The following SMG1 variants were observed in gnomAD, a reference collection of about 807,000 sequenced individuals.
The protein encoded by SMG1 is serine/threonine-protein kinase SMG1.
A neutral mutation model predicts 419.9 loss-of-function variants in SMG1; 22 were observed. The observed-to-expected ratio is 0.05, with a 90% CI of 0.04 to 0.07. The LOEUF is 0.07. Ranked by LOEUF, SMG1 falls within the 10% of genes least tolerant of loss-of-function variation. The pLI is 1.00. For synonymous variants in SMG1, 1,538 were observed against 1,553.5 expected, an observed-to-expected ratio of 0.99 and a Z score of 0.23; for missense variants, 3,185 against 4,342.0, an observed-to-expected ratio of 0.73 and a Z score of 7.49.
rs1244423074 is a variant in SMG1, at chr16:18,841,723, T to G, written c.6538A>C (p.Ile2180Leu). Residue 2180 changes from isoleucine to leucine, a missense_variant, in exon 41 of 63, where the codon ATT becomes CTT. This residue lies in a region of SMG1 where 35 missense variants were observed against 33.8 expected (regional missense o/e 1.04). Transcript: ENST00000446231. ...LSIVNTMFAT[I>L]NRQETPRFHA... ...AACCGGGGTGTTTCTTGGCGATTAATTGTAGCAAACATGGTATTCACAATA... is the reference window on the plus strand; with the variant it reads ...AACCGGGGTGTTTCTTGGCGATTAAGTGTAGCAAACATGGTATTCACAATA... 1 of 1,614,018 alleles carries G rather than the reference T, an allele frequency of 6.2e-7. No individual in the cohort carries two copies.
intron 62 of SMG1, among the ~76,000 whole-genome samples, chr16:18,809,907 T>C (rs2031214043): frequency 1.3e-5 from 2 of 151,992 alleles, no homozygotes; most frequent in Admixed American, 1.3e-4. Flanking sequence ...TACCAGAACG[T>C]TTCTTAAGTA....
At chr16:18,923,221 T>C (rs1465526496) in intron 1 of SMG1, among the ~76,000 whole-genome samples, 2 of 152,204 alleles carry the variant, frequency 1.3e-5, no homozygotes, top group East Asian at 1.9e-4. Flanking sequence ...CATTCACGTA[T>C]ACAGCCACCT....
Position 18,832,966 on chromosome 16 carries a change from T to G in SMG1, c.8766A>C (p.Thr2922=), listed in dbSNP as rs777949045. 2 of 1,613,972 alleles carry G rather than the reference T, an allele frequency of 1.2e-6. No individual in the cohort carries two copies. Among genetic ancestry groups the G allele is most frequent in the South Asian group, 2.2e-5 (2 of 91,078 alleles). The part of the protein sequence containing the change: ...RNAAMGLEEE[T]HAHYIDVARL... ...TGGCAACATCGATGTAATGAGCATG[T>G]GTTTCTTCTTCCAGTCCCATAGCTG... The change falls in exon 51 of 63, where the codon ACA becomes ACC. Residue 2922 remains threonine, a synonymous_variant. Coordinates refer to ENST00000446231, the MANE Select transcript of SMG1 (RefSeq NM_015092.5).
intron 23 of SMG1, chr16:18,866,354 G>C: frequency 2.0e-6 from 1 of 489,616 alleles, no homozygotes. Context: ...CTCAACTAGG[G>C]ATCAAGTTCA....
chr16:18,912,130 G>T (rs1267571796), intron 1 of SMG1, among the ~76,000 whole-genome samples: 1 of 146,670 alleles, frequency 6.8e-6, no homozygotes, highest in East Asian at 2.0e-4. Flanking sequence ...ACTTAGAGAG[G>T]AATCTAAAAC....
intron 1 of SMG1, among the ~76,000 whole-genome samples, chr16:18,904,998 A>AC (rs2037502966): frequency 6.6e-6 from 1 of 152,124 alleles, no homozygotes; most frequent in Non-Finnish European, 1.5e-5. Context: ...ACGGTGGCTT[A>AC]CGCCTGTAAT....
rs768765841 is a variant in SMG1 at position 18,838,438 on chromosome 16, T to C, written c.7113A>G (p.Val2371=). The change falls in exon 44 of 63, where the codon GTA becomes GTG. Residue 2371 remains valine (V), a synonymous_variant. Coordinates refer to ENST00000446231, the MANE Select transcript of SMG1 (RefSeq NM_015092.5). ...KGKSLRVPEK[V]PFRMTQNIET... ...CAATGTTTTGTGTCATTCGAAAAGG[T>C]ACTTTCTCAGGAACTCTAAGGCTTT... 2 of 1,614,030 alleles carry C rather than the reference T, an allele frequency of 1.2e-6. No homozygotes were observed. The highest frequency in any genetic ancestry group is 3.3e-5 in the Admixed American group (2 of 60,026).
At chr16:18,894,092 A>C (rs1336243961) in intron 3 of SMG1, among the ~76,000 whole-genome samples, 2 of 138,286 alleles carry the variant, frequency 1.4e-5, no homozygotes, top group East Asian at 2.0e-4. Context: ...TAAATAAATA[A>C]ATACAAGGGG....
intron 60 of SMG1, among the ~76,000 whole-genome samples, chr16:18,813,731 C>G (rs1367075509): frequency 6.6e-6 from 1 of 152,028 alleles, no homozygotes. Context: ...ACATGGAGTC[C>G]TTGCCCATGC....
In SMG1 at chr16:18,845,494, G is replaced by C; in HGVS notation, c.6154C>G (p.Leu2052Val). 8.1e-6 allele frequency: 13 copies of C among 1,613,856 alleles called. No homozygotes were observed. The highest frequency in any genetic ancestry group is 1.1e-5 in the Non-Finnish European group (13 of 1,179,856). Reference protein sequence around the residue: ...DNYGDAIENALEKLKTPLNPA... With the variant: ...DNYGDAIENAVEKLKTPLNPA... ...TTCAATGGAGTCTTCAGTTTTTCTA[G>C]GGCATTTTCAATGGCATCACCATAG... The change falls in exon 39 of 63, where the codon CTA becomes GTA. Residue 2052 changes from leucine to valine, a missense_variant. Around this residue, in one of 27 missense-constraint regions of SMG1, gnomAD observed 159 missense variants for 196.0 expected, o/e 0.81. Transcript: ENST00000446231.
intron 9 of SMG1, among the ~76,000 whole-genome samples, chr16:18,883,096 A>C (rs1242731144): frequency 1.3e-5 from 2 of 152,202 alleles, no homozygotes; most frequent in Non-Finnish European, 1.5e-5. Flanking sequence ...AGTACAGCTA[A>C]AGGTACTGAA....
intron 1 of SMG1, among the ~76,000 whole-genome samples, chr16:18,906,369 G>C (rs1466823350): frequency 2.6e-5 from 4 of 152,072 alleles, no homozygotes; most frequent in Non-Finnish European, 5.9e-5. Flanking sequence ...TGTAATTCCA[G>C]CTACACGGGA....
intron 10 of SMG1, among the ~76,000 whole-genome samples, chr16:18,879,976 C>G (rs1310673400): frequency 6.6e-6 from 1 of 152,156 alleles, no homozygotes; most frequent in Non-Finnish European, 1.5e-5. Context: ...TCCCATATAC[C>G]CAACTTCGTT....
Position 18,904,218 on chromosome 16 carries a change from T to C in SMG1, c.93-7262A>G, listed in dbSNP as rs1205746917. Among the ~76,000 whole-genome samples the C allele has an allele frequency of 4.0e-5, 6 of 151,336 alleles. 1 individual carries two copies. The highest frequency in any genetic ancestry group is 8.8e-5 in the Non-Finnish European group (6 of 67,836). ...TCCCAAAGTGCTGGGATTACAGGCT[T>C]GAGCCACCGTGCCCGGCCTGTTTCT... On this transcript the variant is annotated intron_variant, in intron 1 of 62. Transcript: ENST00000446231.
Position 18,852,431 on chromosome 16 carries a change from A to G in SMG1, c.4800T>C (p.Ile1600=). 6.3e-7 allele frequency: 1 copy of G among 1,598,446 alleles called. No homozygotes were observed. Among genetic ancestry groups the G allele is most frequent in the East Asian group, 2.2e-5 (1 of 44,596 alleles). The change falls in exon 32 of 63, where the codon ATT becomes ATC. Residue 1600 remains isoleucine, a synonymous_variant. Coordinates refer to ENST00000446231, the MANE Select transcript of SMG1 (RefSeq NM_015092.5). ...AAGACAGGTGATACAACTGTCCCAA[A>G]ATGAAGTCAGGTTCTCCAACTCCAA... ...VHIGVGEPDF[I]LGQLYHLSSV... is the part of the protein sequence containing the mutation.
chr16:18,837,502 G>C, intron 45 of SMG1, 59 bp from the exon 46 acceptor site: 1 of 1,422,276 alleles, frequency 7.0e-7, no homozygotes, highest in Non-Finnish European at 9.7e-7. Context: ...AGACACAACA[G>C]TGTCAGAAGA....
intron 28 of SMG1, chr16:18,858,816 G>A: frequency 2.2e-6 from 1 of 452,484 alleles, no homozygotes. Context: ...TGAGCAATTT[G>A]CCATCCTTGA....
chr16:18,922,429 T>A (rs4782175), intron 1 of SMG1, among the ~76,000 whole-genome samples: 1 of 152,126 alleles, frequency 6.6e-6, no homozygotes, highest in African/African-American at 2.4e-5. Flanking sequence ...GAGGAACCCA[T>A]AGATTTCAAA....
intron 25 of SMG1, 139 bp from the exon 26 acceptor site, chr16:18,860,915 T>A (rs2141479920): frequency 2.0e-6 from 1 of 505,308 alleles, no homozygotes; most frequent in East Asian, 3.3e-5. Context: ...TCCACGAGGA[T>A]GCCATTATTT....
Sources: allele counts gnomAD v4.1 joint callset (sites outside exome capture counted in the v4.1 genomes callset), GRCh38; gene constraint gnomAD v4.1.1; regional missense constraint gnomAD v4.1.1; transcripts MANE v1.5; gene names NCBI Gene and HGNC (gene_info 2026-07-23, HGNC 2026-07-21).